Variants in APCDD1L observed in about 807,000 individuals in gnomAD.
APCDD1L encodes APC down-regulated 1 like.
A neutral mutation model predicts 24.2 loss-of-function variants in APCDD1L; 21 were observed. The ratio of observed to expected loss-of-function variants is 0.87; its 90% CI spans 0.61 to 1.25. The LOEUF is 1.25. Among genes scored for constraint, APCDD1L ranks in the 50% most tolerant of loss-of-function variants. The probability of loss-of-function intolerance (pLI) is 0.00; values close to 1 mark genes in which losing one functional copy is unlikely to be tolerated. For synonymous variants in APCDD1L, 321 were observed against 323.6 expected (o/e 0.99, Z 0.09); for missense variants, 704 against 711.7 (o/e 0.99, Z 0.12).
In APCDD1L at chr20:58,467,405, G is replaced by A. The variant is rs1477698386; in HGVS notation, c.442C>T (p.Arg148Cys). The change falls in exon 3 of 4, where the codon CGC (arginine) becomes TGC (cysteine). Residue 148 changes from arginine (R) to cysteine (C), a missense_variant. By Grantham distance (180) the Arg-to-Cys change is radical. Coordinates refer to ENST00000371149, the MANE Select transcript of APCDD1L (RefSeq NM_153360.3). This position sits in a 1 kb window ranked among gnomAD's most constrained non-coding sequence, Gnocchi z 5.9. ...SRRALVDVTG[R>C]LNQTRAGRDC... ...CGGCCGGCGCGGGTCTGGTTGAGGC[G>A]CCCGGTGACGTCGACCAGGGCCCGG... The A allele has an allele frequency of 2.0e-6, 3 of 1,538,330 alleles. No individual in the cohort carries two copies. The highest frequency in any genetic ancestry group is 1.7e-6 in the Non-Finnish European group (2 of 1,145,010).
chr20:58,481,465 TCCA>T, intron 1 of APCDD1L, among the ~76,000 whole-genome samples: 1 of 152,306 alleles, frequency 6.6e-6, no homozygotes, highest in African/African-American at 2.4e-5. Flanking sequence ...CAACTGGTTC[TCCA>T]CCAGATCTTC....
Position 58,461,190 on chromosome 20 carries a change from G to T in APCDD1L, c.1106C>A (p.Ala369Asp), listed in dbSNP as rs199568061. ...GCTTGGCTCAGAGAAGTTGAGCATG[G>T]CCGTGGTGACCTGGTCCATGGGGGT... Reference protein sequence around the residue: ...HVTPMDQVTTAMLNFSEPSSC... With the variant: ...HVTPMDQVTTDMLNFSEPSSC... Residue 369 changes from alanine (A) to aspartate (D), a missense_variant, in exon 4 of 4, where the codon GCC becomes GAC. Physicochemically the swap from Ala to Asp is moderately radical, Grantham distance 126. Transcript: ENST00000371149. The surrounding 1 kb of genome is among the most constrained non-coding windows in gnomAD (Gnocchi z 6.0). 3.5e-5 allele frequency: 57 copies of T among 1,613,524 alleles called. No individual in the cohort carries two copies. The East Asian group carries it at 1.3e-3, about 36-fold the overall frequency.
rs758199450 is a variant in APCDD1L at position 58,467,590 on chromosome 20, C to G, written c.257G>C (p.Arg86Pro). 1.3e-6 allele frequency: 2 copies of G among 1,556,772 alleles called. No homozygotes were observed. Among genetic ancestry groups the G allele is most frequent in the Non-Finnish European group, 1.7e-6 (2 of 1,148,870 alleles). ...GTCCTCGTAGTAGAACTGGTGGGCTCGAAAGAGCCGGCTGGGGTAGAAGGT... is the reference window on the plus strand; with the variant it reads ...GTCCTCGTAGTAGAACTGGTGGGCTGGAAAGAGCCGGCTGGGGTAGAAGGT... ...AYTFYPSRLF[R>P]AHQFYYEDPF... Residue 86 changes from arginine to proline, a missense_variant, in exon 3 of 4, where the codon CGA becomes CCA. Physicochemically the swap from Arg to Pro is moderately radical, Grantham distance 103 (BLOSUM62 -2). Transcript: ENST00000371149. This position sits in a 1 kb window ranked among gnomAD's most constrained non-coding sequence, Gnocchi z 5.9.
chr20:58,484,594 C>A (rs974603457), intron 1 of APCDD1L, among the ~76,000 whole-genome samples: 1 of 152,000 alleles, frequency 6.6e-6, no homozygotes, highest in African/African-American at 2.4e-5. Flanking sequence ...ATTTAGCGAT[C>A]TTTGTGGAAG....
intron 1 of APCDD1L, among the ~76,000 whole-genome samples, chr20:58,507,762 G>T (rs16982043): frequency 0.026 from 4,000 of 152,314 alleles, 103 homozygotes; most frequent in African/African-American, 0.067. Context: ...GAGACAGCTA[G>T]TTTTCTGAAT....
At chr20:58,505,320 C>T (rs143811041) in intron 1 of APCDD1L, among the ~76,000 whole-genome samples, 1 of 152,172 alleles carries the variant, frequency 6.6e-6, no homozygotes, top group African/African-American at 2.4e-5. Flanking sequence ...CCACTTTGGC[C>T]TCCCAAAGTG....
At chr20:58,501,792 C>T (rs752368819) in intron 1 of APCDD1L, among the ~76,000 whole-genome samples, 35 of 152,198 alleles carry the variant, frequency 2.3e-4, no homozygotes, top group African/African-American at 5.8e-4. Context: ...TTTTTGAGCC[C>T]GAAAACCTGC....
chr20:58,513,522 T>C (rs950964129), intron 1 of APCDD1L, among the ~76,000 whole-genome samples: 2 of 152,062 alleles, frequency 1.3e-5, no homozygotes, highest in East Asian at 3.9e-4. Context: ...GTTTAGAAAT[T>C]TGGGGGCTGG....
chr20:58,495,293 C>A (rs1600869656), intron 1 of APCDD1L, among the ~76,000 whole-genome samples: 1 of 152,316 alleles, frequency 6.6e-6, no homozygotes, highest in Admixed American at 6.5e-5. Context: ...AGTTTCAAGA[C>A]GATGATGGCA....
chr20:58,490,810 C>A (rs1990211640), intron 1 of APCDD1L, among the ~76,000 whole-genome samples: 1 of 152,042 alleles, frequency 6.6e-6, no homozygotes, highest in South Asian at 2.1e-4. Context: ...CTTTTGAGGG[C>A]AGTGTGAAAA....
chr20:58,498,308 C>G (rs930931910), intron 1 of APCDD1L, among the ~76,000 whole-genome samples: 2 of 152,200 alleles, frequency 1.3e-5, no homozygotes, highest in Non-Finnish European at 1.5e-5. Flanking sequence ...GCATTCTAAT[C>G]CAAGCCGTGG....
At chr20:58,474,619 G>A (rs939646116) in intron 1 of APCDD1L, among the ~76,000 whole-genome samples, 7 of 152,306 alleles carry the variant, frequency 4.6e-5, no homozygotes, top group South Asian at 4.1e-4. Context: ...CAGAAGAATC[G>A]CTTGAACCCA....
intron 1 of APCDD1L, among the ~76,000 whole-genome samples, chr20:58,471,206 T>C (rs1330503919): frequency 1.3e-5 from 2 of 152,124 alleles, no homozygotes; most frequent in Non-Finnish European, 2.9e-5. Context: ...CCCTAGCCTA[T>C]CCCTAGAGCA....
At chr20:58,468,580 T>C (rs1236556501) in intron 2 of APCDD1L, among the ~76,000 whole-genome samples, 1 of 152,172 alleles carries the variant, frequency 6.6e-6, no homozygotes, top group East Asian at 1.9e-4. Context: ...TCTTTCTTAT[T>C]TTTTTGAGAC....
chr20:58,513,929 C>T (rs936496700), intron 1 of APCDD1L: 4 of 1,302,908 alleles, frequency 3.1e-6, no homozygotes, highest in Non-Finnish European at 2.0e-6. Flanking sequence ...GGGATGAGCC[C>T]CCAGCTGGGC....
rs529385733 is a variant in APCDD1L at position 58,500,674 on chromosome 20, A to G, written c.49+13985T>C. Among the ~76,000 whole-genome samples the G allele has an allele frequency of 6.0e-4, 91 of 152,164 alleles. 1 individual carries two copies. Among genetic ancestry groups the G allele is most frequent in the African/African-American group, 2.0e-3 (81 of 41,528 alleles). The stretch of plus-strand genomic sequence containing the variant: ...CTCCTTGTCTCTCCCTGTCCACCCA[A>G]TGGCTTTCCTTTCGGCTCACACCCT... On this transcript the variant is annotated intron_variant, in intron 1 of 3. Transcript: ENST00000371149.
intron 1 of APCDD1L, among the ~76,000 whole-genome samples, chr20:58,513,543 CTG>C (rs1600887846): frequency 1.3e-5 from 2 of 152,294 alleles, no homozygotes; most frequent in East Asian, 3.9e-4. Flanking sequence ...GAAGAAAAGA[CTG>C]TGATTGAAGA....
At chr20:58,466,783 C>T (rs1386006040) in intron 3 of APCDD1L, among the ~76,000 whole-genome samples, 4 of 152,160 alleles carry the variant, frequency 2.6e-5, no homozygotes, top group African/African-American at 9.7e-5. Context: ...GAGGGGGACA[C>T]CCACCAAGCC....
In APCDD1L at chr20:58,461,342, G is replaced by C. The variant is rs906924591; in HGVS notation, c.954C>G (p.Phe318Leu). The C allele has an allele frequency of 6.3e-7, 1 of 1,597,436 alleles. No homozygotes were observed. Among genetic ancestry groups the C allele is most frequent in the Non-Finnish European group, 8.6e-7 (1 of 1,168,976 alleles). ...SRSWEGYYHH[F>L]SDPACRQPTF... ...TGGGCTGCCGGCAGGCTGGGTCTGAGAAGTGGTGGTAATACCCTTCCCAGG... is the reference window on the plus strand; with the variant it reads ...TGGGCTGCCGGCAGGCTGGGTCTGACAAGTGGTGGTAATACCCTTCCCAGG... Residue 318 changes from phenylalanine to leucine, a missense_variant, in exon 4 of 4, where the codon TTC becomes TTG. By Grantham distance (22) the Phe-to-Leu change is conservative. Coordinates refer to ENST00000371149, the MANE Select transcript of APCDD1L (RefSeq NM_153360.3). This position sits in a 1 kb window ranked among gnomAD's most constrained non-coding sequence, Gnocchi z 6.0.
Sources: allele counts gnomAD v4.1 joint callset (sites outside exome capture counted in the v4.1 genomes callset), GRCh38; gene constraint gnomAD v4.1.1; non-coding constraint Gnocchi (gnomAD v3.1); transcripts MANE v1.5; gene names NCBI Gene and HGNC (gene_info 2026-07-23, HGNC 2026-07-21).